The following BMPER variants were observed in gnomAD, a reference collection of about 807,000 sequenced individuals.
BMPER encodes the protein BMP-binding endothelial regulator protein.
In BMPER, 45 loss-of-function variants were observed where a neutral mutation model predicts 87.3. That is an observed-to-expected ratio of 0.52 (90% CI 0.41 to 0.66). BMPER has a LOEUF of 0.66. Ranked by LOEUF, BMPER falls within the 30% of genes least tolerant of loss-of-function variation. BMPER has a pLI of 0.00. For missense variants in BMPER, 784 were observed against 867.5 expected (o/e 0.90, Z 1.21); for synonymous variants, 326 against 316.2 (o/e 1.03, Z -0.33).
intron 13 of BMPER, among the ~76,000 whole-genome samples, chr7:34,100,073 TG>T (rs1789639307): frequency 6.6e-6 from 1 of 152,136 alleles, no homozygotes; most frequent in South Asian, 2.1e-4. Context: ...TCTCTTCAAC[TG>T]TTATATAAAT....
intron 6 of BMPER, among the ~76,000 whole-genome samples, chr7:34,000,666 G>T (rs1786556986): frequency 6.6e-6 from 1 of 151,998 alleles, no homozygotes; most frequent in Non-Finnish European, 1.5e-5. Context: ...GGACATTTGG[G>T]TGTGCATGAT....
chr7:34,076,351 G>C (rs1788865044), intron 11 of BMPER, among the ~76,000 whole-genome samples: 1 of 152,124 alleles, frequency 6.6e-6, no homozygotes, highest in Non-Finnish European at 1.5e-5. Flanking sequence ...GCATAAGAAA[G>C]AAAGTAATGT....
At chr7:34,008,887 G>A (rs2127939685) in intron 6 of BMPER, among the ~76,000 whole-genome samples, 1 of 151,924 alleles carries the variant, frequency 6.6e-6, no homozygotes, top group East Asian at 1.9e-4. Flanking sequence ...TGTTGCTGAG[G>A]CTGCAGCACA....
chr7:33,922,239 G>A (rs1218206174), intron 2 of BMPER, among the ~76,000 whole-genome samples: 2 of 151,934 alleles, frequency 1.3e-5, no homozygotes, highest in Non-Finnish European at 2.9e-5. Flanking sequence ...ATTGTTCCAG[G>A]GATTCATCTC....
At chr7:33,986,172 A>T (rs568904137) in intron 6 of BMPER, among the ~76,000 whole-genome samples, 4 of 152,200 alleles carry the variant, frequency 2.6e-5, no homozygotes, top group South Asian at 2.1e-4. Flanking sequence ...TCTCATACTC[A>T]TGGCTCTGCA....
Position 34,062,015 on chromosome 7 carries a change from A to G in BMPER, c.1046A>G (p.Asn349Ser), listed in dbSNP as rs1403732033. 1.2e-6 allele frequency: 2 copies of G among 1,611,058 alleles called. No individual in the cohort carries two copies. The highest frequency in any genetic ancestry group is 1.7e-5 in the Admixed American group (1 of 59,920). The part of the protein sequence containing the change: ...ISSCPQGKIL[N>S]RKGCCPICTE... ...TCTTCTGATTAGGGCAAAATTCTCA[A>G]CAGAAAAGGATGCTGTCCTATTTGC... Residue 349 changes from asparagine (N) to serine (S), a missense_variant, in exon 11 of 15, where the codon AAC (asparagine) becomes AGC (serine). Coordinates refer to ENST00000649409, the MANE Select transcript of BMPER (RefSeq NM_001365308.1).
chr7:34,010,205 G>A (rs1786841748), intron 6 of BMPER, among the ~76,000 whole-genome samples: 1 of 151,716 alleles, frequency 6.6e-6, no homozygotes, highest in Non-Finnish European at 1.5e-5. Context: ...ATTTAGCTCA[G>A]ATGTCATCTC....
At chr7:34,071,239 A>G (rs1239513101) in intron 11 of BMPER, among the ~76,000 whole-genome samples, 1 of 152,192 alleles carries the variant, frequency 6.6e-6, no homozygotes, top group East Asian at 1.9e-4. Flanking sequence ...CTAGATAACT[A>G]TTTGCTAGAC....
At chr7:34,126,776 G>A (rs901230706) in intron 13 of BMPER, among the ~76,000 whole-genome samples, 12 of 151,938 alleles carry the variant, frequency 7.9e-5, no homozygotes, top group African/African-American at 2.9e-4. Context: ...CCTTACCATA[G>A]CATCGTTAAC....
chr7:33,976,794 C>G (rs558998178), intron 6 of BMPER, among the ~76,000 whole-genome samples: 1 of 152,268 alleles, frequency 6.6e-6, no homozygotes, highest in South Asian at 2.1e-4. Context: ...AGTGCTGGAA[C>G]TGGAAATGAG....
intron 11 of BMPER, among the ~76,000 whole-genome samples, chr7:34,071,469 A>C (rs1788736008): frequency 6.6e-6 from 1 of 152,244 alleles, no homozygotes. Flanking sequence ...TCTTCAAAGC[A>C]ATAATATGCT....
At chr7:34,059,257 A>G (rs910820351) in intron 10 of BMPER, among the ~76,000 whole-genome samples, 1 of 152,154 alleles carries the variant, frequency 6.6e-6, no homozygotes, top group Admixed American at 6.5e-5. Context: ...CTTATTCTAC[A>G]AGACAAAAAC....
At chr7:33,934,517 CAA>C (rs11340819) in intron 2 of BMPER, among the ~76,000 whole-genome samples, 25 of 59,278 alleles carry the variant, frequency 4.2e-4, no homozygotes, top group African/African-American at 4.7e-4. Flanking sequence ...TGTGTGTGTA[CAA>C]AAAAAAAAAA....
chr7:33,964,469 C>T (rs987678673), intron 3 of BMPER, among the ~76,000 whole-genome samples: 9 of 152,320 alleles, frequency 5.9e-5, no homozygotes, highest in East Asian at 1.9e-4. Flanking sequence ...ATGTGACCTT[C>T]GTCCAATTTT....
intron 6 of BMPER, among the ~76,000 whole-genome samples, chr7:33,988,035 G>GA (rs1236011417): frequency 6.6e-6 from 1 of 152,046 alleles, no homozygotes; most frequent in Non-Finnish European, 1.5e-5. Flanking sequence ...TTTAATAATA[G>GA]AAAAGTTACT....
At chr7:33,986,111 C>T (rs1786005613) in intron 6 of BMPER, among the ~76,000 whole-genome samples, 1 of 152,160 alleles carries the variant, frequency 6.6e-6, no homozygotes, top group Admixed American at 6.5e-5. Flanking sequence ...ACCTTCTGTA[C>T]CTGCTCCCAT....
intron 1 of BMPER, among the ~76,000 whole-genome samples, chr7:33,906,154 C>G (rs1783812589): frequency 6.6e-6 from 1 of 152,156 alleles, no homozygotes; most frequent in Non-Finnish European, 1.5e-5. Context: ...AGCACTGGCT[C>G]TCAAGACCTT....
At chr7:34,129,680 G>GAA (rs1554322781) in intron 13 of BMPER, among the ~76,000 whole-genome samples, 1 of 151,338 alleles carries the variant, frequency 6.6e-6, no homozygotes, top group East Asian at 1.9e-4. Context: ...AAGAAAGAAA[G>GAA]AAAACCTGCC....
intron 3 of BMPER, among the ~76,000 whole-genome samples, chr7:33,940,988 A>G (rs1168586496): frequency 2.2e-5 from 3 of 134,890 alleles, no homozygotes; most frequent in Non-Finnish European, 4.6e-5. Flanking sequence ...TATATATTAT[A>G]TATTTATATA....
Sources: allele counts gnomAD v4.1 joint callset (sites outside exome capture counted in the v4.1 genomes callset), GRCh38; gene constraint gnomAD v4.1.1; transcripts MANE v1.5; gene names NCBI Gene and HGNC (gene_info 2026-07-23, HGNC 2026-07-21).